The following NSMAF variants were observed in gnomAD, a reference collection of about 807,000 sequenced individuals.
NSMAF encodes the protein protein FAN.
A neutral mutation model predicts 134.9 loss-of-function variants in NSMAF; 90 were observed. The ratio of observed to expected loss-of-function variants is 0.67; its 90% CI spans 0.56 to 0.79. NSMAF has a LOEUF of 0.79. NSMAF is among the 30% of genes least tolerant of loss of function. NSMAF has a pLI of 0.00. For missense variants in NSMAF, 1,010 were observed against 1,119.0 expected (o/e 0.90, Z 1.39); for synonymous variants, 358 against 389.6 (o/e 0.92, Z 0.96).
At position 58,601,272 on chromosome 8, in the gene NSMAF, A is replaced by G; in HGVS notation, c.1280+13T>C. On this transcript the variant is annotated intron_variant, in intron 16 of 30. Transcript: ENST00000038176. ...AAGTGTTAAAAATGATAAGCAAGGC[A>G]TTTGTATCAAACCTGTTGAACATTC... 6.2e-7 allele frequency: 1 copy of G among 1,606,208 alleles called. No homozygotes were observed. The highest frequency in any genetic ancestry group is 8.5e-7 in the Non-Finnish European group (1 of 1,172,780).
At chr8:58,596,875 G>A (rs1806147356) in intron 21 of NSMAF, among the ~76,000 whole-genome samples, 1 of 150,984 alleles carries the variant, frequency 6.6e-6, no homozygotes, top group Non-Finnish European at 1.5e-5. Flanking sequence ...AGCTTGCAGT[G>A]AGCCGAGATG....
intron 12 of NSMAF, among the ~76,000 whole-genome samples, chr8:58,604,770 G>A (rs1316421891): frequency 6.6e-6 from 1 of 151,900 alleles, no homozygotes; most frequent in Non-Finnish European, 1.5e-5. Flanking sequence ...TTGAGACAGG[G>A]TCTCACTCTG....
At chr8:58,597,280 C>A in intron 21 of NSMAF, 107 bp downstream of exon 21, 1 of 984,446 alleles carries the variant, frequency 1.0e-6, no homozygotes, top group Non-Finnish European at 1.5e-6. Context: ...AGAACACAAT[C>A]ATCTCTAAGT....
At chr8:58,640,290 C>T (rs930753029) in intron 2 of NSMAF, among the ~76,000 whole-genome samples, 2 of 152,122 alleles carry the variant, frequency 1.3e-5, no homozygotes, top group Non-Finnish European at 2.9e-5. Context: ...ATCAAAACAT[C>T]AAATTGTATA....
intron 23 of NSMAF, 26 bp from the exon 24 acceptor site, chr8:58,590,960 T>C (rs754614177): frequency 1.3e-6 from 2 of 1,558,376 alleles, no homozygotes; most frequent in Non-Finnish European, 1.7e-6. Context: ...GAAGTAGATA[T>C]ATAAGAAAGA....
Position 58,602,054 on chromosome 8 carries a change from A to G in NSMAF, c.1125+4T>C. 1 of 1,609,260 alleles carries G rather than the reference A, an allele frequency of 6.2e-7. No individual in the cohort carries two copies. The highest frequency in any genetic ancestry group is 1.3e-5 in the African/African-American group (1 of 74,852). ...AGAAACCAAGAATCTCTAAGTCCAC[A>G]TACCAGTAGTCTCTCCAGCCGTTCC... On this transcript the variant is annotated splice_donor_region_variant and intron_variant, in intron 14 of 30. Transcript: ENST00000038176.
At chr8:58,586,714 CTA>C in intron 27 of NSMAF, 106 bp from the exon 28 acceptor site, 1 of 901,772 alleles carries the variant, frequency 1.1e-6, no homozygotes, top group East Asian at 2.5e-5. Context: ...AAATTAAACT[CTA>C]TTGTGCAGTA....
intron 28 of NSMAF, 75 bp downstream of exon 28, chr8:58,586,383 C>CA: frequency 7.3e-7 from 1 of 1,376,696 alleles, no homozygotes; most frequent in Non-Finnish European, 1.0e-6. Context: ...TTGTTTATTT[C>CA]AAAATTAACA....
intron 11 of NSMAF, among the ~76,000 whole-genome samples, chr8:58,607,136 T>C (rs1450956848): frequency 6.6e-6 from 1 of 152,204 alleles, no homozygotes; most frequent in African/African-American, 2.4e-5. Flanking sequence ...CTGGTTAATC[T>C]TCAAAGGAGA....
chr8:58,588,390 G>A, intron 26 of NSMAF: 3 of 1,033,004 alleles, frequency 2.9e-6, no homozygotes, highest in Non-Finnish European at 3.0e-6. Flanking sequence ...AGAATAGCCT[G>A]TCTTCAGTCT....
chr8:58,588,582 G>A, intron 26 of NSMAF: 8 of 1,325,966 alleles, frequency 6.0e-6, no homozygotes, highest in Non-Finnish European at 8.6e-6. Flanking sequence ...GAAGCAAATA[G>A]GCATCAAAGA....
Position 58,599,240 on chromosome 8 carries a change from G to A in NSMAF, c.1577C>T (p.Ala526Val). The change falls in exon 19 of 31, where the codon GCC becomes GTC. Residue 526 changes from alanine to valine, a missense_variant. Coordinates refer to ENST00000038176, the MANE Select transcript of NSMAF (RefSeq NM_003580.4). ...YKQKGSDAVGAHNVFHPLTYE... is the reference protein window; with the variant it reads ...YKQKGSDAVGVHNVFHPLTYE... ...CAATGAATATTACATACCATTATGG[G>A]CCCCAACTGCATCACTCCCTTTTTG... is the stretch of plus-strand genomic sequence containing the variant. 6.2e-7 allele frequency: 1 copy of A among 1,612,752 alleles called. No individual in the cohort carries two copies. The highest frequency in any genetic ancestry group is 8.5e-7 in the Non-Finnish European group (1 of 1,179,166).
At chr8:58,617,563 C>T (rs1319230021) in intron 9 of NSMAF, among the ~76,000 whole-genome samples, 1 of 152,136 alleles carries the variant, frequency 6.6e-6, no homozygotes, top group Non-Finnish European at 1.5e-5. Context: ...TGAAAAAATG[C>T]TCATCATCAC....
chr8:58,640,378 G>C (rs1265590884), intron 2 of NSMAF, among the ~76,000 whole-genome samples: 2 of 151,992 alleles, frequency 1.3e-5, no homozygotes, highest in African/African-American at 4.8e-5. Context: ...CATGAAAAAG[G>C]CTTTATTTCT....
chr8:58,656,431 T>C (rs1807712904), intron 1 of NSMAF, among the ~76,000 whole-genome samples: 1 of 152,252 alleles, frequency 6.6e-6, no homozygotes, highest in Non-Finnish European at 1.5e-5. Context: ...TTTATAGTTA[T>C]TCAAACCAGA....
chr8:58,653,530 T>C (rs1054451988), intron 1 of NSMAF, among the ~76,000 whole-genome samples: 1 of 151,892 alleles, frequency 6.6e-6, no homozygotes, highest in Non-Finnish European at 1.5e-5. Flanking sequence ...AAAACTGATA[T>C]AGCTATATTA....
rs1806172403 is a variant in NSMAF, at chr8:58,597,735, A to G, written c.1628+125T>C. ...ATTTTCTGATGCTCAGTAACACAAC[A>G]GTGAAAGCAAGATAGAATTCATTTT... On this transcript the variant is annotated intron_variant, in intron 20 of 30. Transcript: ENST00000038176. 3 of 907,308 alleles carry G rather than the reference A, an allele frequency of 3.3e-6. No individual in the cohort carries two copies. The African/African-American group carries it at 5.0e-5, about 15-fold the overall frequency. 56.2% of individuals were successfully genotyped at this position (907,308 alleles called of 1,614,324 possible).
chr8:58,626,506 C>G (rs777153576), intron 6 of NSMAF, among the ~76,000 whole-genome samples: 6 of 152,142 alleles, frequency 3.9e-5, no homozygotes, highest in Non-Finnish European at 7.3e-5. Context: ...AGAGTAATGG[C>G]CTTTAGCTCC....
At chr8:58,653,431 AT>A (rs1353088140) in intron 1 of NSMAF, among the ~76,000 whole-genome samples, 4 of 152,076 alleles carry the variant, frequency 2.6e-5, no homozygotes, top group Non-Finnish European at 5.9e-5. Flanking sequence ...AGTATAAGCT[AT>A]TTATAAGAAA....
Sources: gnomAD v4.1 joint callset for allele counts (sites outside exome capture counted in the v4.1 genomes callset) on GRCh38, gnomAD v4.1.1 for gene constraint, MANE v1.5 for transcripts, NCBI Gene and HGNC (gene_info 2026-07-23, HGNC 2026-07-21) for gene names.